LRRTM4: variants seen among roughly 807,000 people sequenced by gnomAD.
The protein encoded by LRRTM4 is leucine-rich repeat transmembrane neuronal protein 4.
In LRRTM4, 25 loss-of-function variants were observed where a neutral mutation model predicts 47.6. The ratio of observed to expected loss-of-function variants is 0.53; its 90% CI spans 0.38 to 0.73. The LOEUF (loss-of-function observed/expected upper bound fraction) is 0.73. Ranked by LOEUF, LRRTM4 falls within the 30% of genes least tolerant of loss-of-function variation. LRRTM4 has a pLI of 0.00. For missense variants in LRRTM4, 638 were observed against 713.4 expected, an observed-to-expected ratio of 0.89 and a Z score of 1.20; for synonymous variants, 311 against 269.5, an observed-to-expected ratio of 1.15 and a Z score of -1.51.
chr2:77,050,314 A>T (rs564330674), intron 3 of LRRTM4, among the ~76,000 whole-genome samples: 1 of 152,138 alleles, frequency 6.6e-6, no homozygotes, highest in Admixed American at 6.6e-5. Context: ...TGGATGGGCC[A>T]CTGGCCCCAA....
At chr2:77,319,645 G>T (rs1361149247) in intron 3 of LRRTM4, among the ~76,000 whole-genome samples, 2 of 152,160 alleles carry the variant, frequency 1.3e-5, no homozygotes, top group Non-Finnish European at 2.9e-5. Flanking sequence ...AAATATCTCA[G>T]ATTTTCTGGC....
rs570318187 is a variant in LRRTM4 at position 77,085,486 on chromosome 2, T to C, written c.1552-336570A>G. Reference sequence around the variant, plus strand: ...TTAACTTATACTAAAATTATTAAAATTATTAAAGATTTATATAGTTTCCTA... The same window carrying C: ...TTAACTTATACTAAAATTATTAAAACTATTAAAGATTTATATAGTTTCCTA... On this transcript the variant is annotated intron_variant, in intron 3 of 3. Coordinates refer to ENST00000409884, the MANE Select transcript of LRRTM4 (RefSeq NM_001134745.3). Among the ~76,000 whole-genome samples the C allele has an allele frequency of 1.0e-3, 152 of 151,910 alleles. 1 individual carries two copies. The highest frequency in any genetic ancestry group is 3.5e-3 in the African/African-American group (145 of 41,510).
At chr2:77,044,055 T>A (rs1017827240) in intron 3 of LRRTM4, among the ~76,000 whole-genome samples, 7 of 151,624 alleles carry the variant, frequency 4.6e-5, no homozygotes, top group Non-Finnish European at 8.9e-5. Flanking sequence ...CCTCATTTTC[T>A]TCCAAATAAA....
At chr2:76,851,755 GT>G (rs34184474) in intron 3 of LRRTM4, among the ~76,000 whole-genome samples, 13,192 of 117,546 alleles carry the variant, frequency 0.11, 639 homozygotes, top group East Asian at 0.38. Context: ...ACTTTTATTC[GT>G]TTTTTTTTTT....
chr2:76,849,422 T>C (rs1289965632), intron 3 of LRRTM4, among the ~76,000 whole-genome samples: 1 of 152,132 alleles, frequency 6.6e-6, no homozygotes, highest in Non-Finnish European at 1.5e-5. Flanking sequence ...AATACAGAGC[T>C]GGAATATTTC....
intron 3 of LRRTM4, among the ~76,000 whole-genome samples, chr2:77,004,911 G>C (rs1185369476): frequency 6.6e-6 from 1 of 152,168 alleles, no homozygotes; most frequent in African/African-American, 2.4e-5. Flanking sequence ...TTTCTGACTT[G>C]CATGGGGCCT....
At chr2:77,058,341 G>C (rs377200169) in intron 3 of LRRTM4, among the ~76,000 whole-genome samples, 1 of 152,124 alleles carries the variant, frequency 6.6e-6, no homozygotes, top group African/African-American at 2.4e-5. Context: ...AACAGCTAGA[G>C]CTACCGACCA....
intron 3 of LRRTM4, among the ~76,000 whole-genome samples, chr2:77,374,635 G>A (rs1009506846): frequency 6.6e-6 from 1 of 151,720 alleles, no homozygotes; most frequent in African/African-American, 2.4e-5. Context: ...CCAGCAGAGC[G>A]ATTACTTTCA....
At chr2:76,839,272 G>A (rs746086692) in intron 3 of LRRTM4, among the ~76,000 whole-genome samples, 1 of 152,094 alleles carries the variant, frequency 6.6e-6, no homozygotes, top group African/African-American at 2.4e-5. Context: ...TTCTGAAAGG[G>A]AAGCTCTGAA....
rs796142527 is a variant in LRRTM4 at position 77,209,426 on chromosome 2, GA to G, written c.1551+308891del. Among the ~76,000 whole-genome samples, 215 of 130,226 alleles carry G rather than the reference GA, an allele frequency of 1.7e-3. 1 individual carries two copies. The highest frequency in any genetic ancestry group is 5.0e-3 in the East Asian group (23 of 4,588). 85.4% of individuals were successfully genotyped at this position (130,226 alleles called of 152,430 possible). A position where few individuals can be genotyped will look rare whatever the true frequency, so the allele number is the denominator to read the frequency against. On this transcript the variant is annotated intron_variant, in intron 3 of 3. Transcript: ENST00000409884. Reference sequence around the variant, plus strand: ...TGATGTGTTTGAGTGGCTTTTGTAAGAAAAAAAAAAAAACAAAAAACCAACC... The same window carrying G: ...TGATGTGTTTGAGTGGCTTTTGTAAGAAAAAAAAAAAACAAAAAACCAACC...
At chr2:76,908,037 C>T (rs1673911704) in intron 3 of LRRTM4, among the ~76,000 whole-genome samples, 1 of 151,400 alleles carries the variant, frequency 6.6e-6, no homozygotes, top group African/African-American at 2.4e-5. Context: ...AGAGACACAG[C>T]CAAAAAACAG....
intron 3 of LRRTM4, among the ~76,000 whole-genome samples, chr2:76,860,318 C>A (rs1166065641): frequency 6.6e-6 from 1 of 152,070 alleles, no homozygotes; most frequent in Non-Finnish European, 1.5e-5. Flanking sequence ...CAGAACAGTC[C>A]ATGTTACTAA....
chr2:76,830,506 CAGTGTGTGCGTG>C (rs1407551065), intron 3 of LRRTM4, among the ~76,000 whole-genome samples: 1 of 125,022 alleles, frequency 8.0e-6, no homozygotes, highest in African/African-American at 3.2e-5. Flanking sequence ...CTATGTGTGG[CAGTGTGTGCGTG>C]TGTGTGTGTG....
At chr2:77,326,639 T>C (rs146931497) in intron 3 of LRRTM4, among the ~76,000 whole-genome samples, 130 of 152,256 alleles carry the variant, frequency 8.5e-4, no homozygotes, top group African/African-American at 2.9e-3. Flanking sequence ...CAAGCAATTG[T>C]TCCACCTTGG....
chr2:77,258,875 T>A (rs879519360), intron 3 of LRRTM4, among the ~76,000 whole-genome samples: 1 of 151,950 alleles, frequency 6.6e-6, no homozygotes, highest in Non-Finnish European at 1.5e-5. Context: ...GTGATATTTT[T>A]AAAAACATAC....
intron 3 of LRRTM4, among the ~76,000 whole-genome samples, chr2:76,783,816 GTGCCGTATATTTT>G (rs762444883): frequency 3.1e-4 from 47 of 152,266 alleles, no homozygotes; most frequent in South Asian, 1.7e-3. Flanking sequence ...AAATTCAGCA[GTGCCGTATATTTT>G]AATTGCAATG....
chr2:77,336,531 G>A lies in LRRTM4; in HGVS notation c.1551+181787C>T, dbSNP rs115688321. ...AAAGATAATTCACTACAATTAAGGG[G>A]GCTTTATTCCTGAAATGCAAGGATG... On this transcript the variant is annotated intron_variant, in intron 3 of 3. Coordinates refer to ENST00000409884, the MANE Select transcript of LRRTM4 (RefSeq NM_001134745.3). Among the ~76,000 whole-genome samples, 633 of 152,084 alleles carry A rather than the reference G, an allele frequency of 4.2e-3. 5 individuals carry two copies. Among genetic ancestry groups the A allele is most frequent in the African/African-American group, 0.014 (585 of 41,482 alleles).
chr2:77,271,006 C>T (rs141163254), intron 3 of LRRTM4, among the ~76,000 whole-genome samples: 203 of 152,290 alleles, frequency 1.3e-3, no homozygotes, highest in African/African-American at 4.8e-3. Flanking sequence ...GAGAGACAGC[C>T]TGATTTCAGG....
chr2:76,881,232 A>C (rs1336947326), intron 3 of LRRTM4, among the ~76,000 whole-genome samples: 2 of 152,170 alleles, frequency 1.3e-5, no homozygotes, highest in African/African-American at 4.8e-5. Flanking sequence ...TAAAAGTATC[A>C]GCTCAAACAC....
Sources: allele counts gnomAD v4.1 joint callset (sites outside exome capture counted in the v4.1 genomes callset), GRCh38; gene constraint gnomAD v4.1.1; transcripts MANE v1.5; gene names NCBI Gene and HGNC (gene_info 2026-07-23, HGNC 2026-07-21).